The following PANK1 variants were observed in gnomAD, a reference collection of about 807,000 sequenced individuals.
PANK1 encodes the protein pantothenate kinase 1.
In PANK1, 18 loss-of-function variants were observed where a neutral mutation model predicts 40.1. The ratio of observed to expected loss-of-function variants is 0.45; its 90% CI spans 0.31 to 0.67. PANK1 has a LOEUF of 0.67. Ranked by LOEUF, PANK1 falls within the 30% of genes least tolerant of loss-of-function variation. The pLI is 0.06. For synonymous variants in PANK1, 242 were observed against 237.7 expected (o/e 1.02, Z -0.17); for missense variants, 457 against 599.6 (o/e 0.76, Z 2.48).
chr10:89,643,988 T>C, intron 1 of PANK1: 3 of 655,086 alleles, frequency 4.6e-6, no homozygotes, highest in South Asian at 6.3e-5. Flanking sequence ...TCCACATAGT[T>C]CCGGCCCACA....
chr10:89,635,929 G>A (rs1482049971), intron 1 of PANK1, among the ~76,000 whole-genome samples: 1 of 152,216 alleles, frequency 6.6e-6, no homozygotes, highest in Non-Finnish European at 1.5e-5. Context: ...AATCTTCCTT[G>A]ACTCCACATC....
At chr10:89,633,946 C>A (rs1841727100) in intron 1 of PANK1, among the ~76,000 whole-genome samples, 1 of 152,034 alleles carries the variant, frequency 6.6e-6, no homozygotes, top group African/African-American at 2.4e-5. Flanking sequence ...TAGAATCTGG[C>A]AGGCAAGAAT....
chr10:89,629,707 C>T (rs934681590), intron 1 of PANK1, among the ~76,000 whole-genome samples: 16 of 152,198 alleles, frequency 1.1e-4, no homozygotes, highest in East Asian at 1.9e-4. Flanking sequence ...ATGATAGCTG[C>T]AGCTTCACGA....
chr10:89,613,309 T>A (rs1043408488), intron 1 of PANK1, among the ~76,000 whole-genome samples: 10 of 152,174 alleles, frequency 6.6e-5, no homozygotes, highest in African/African-American at 2.2e-4. Flanking sequence ...TCCTTCCAAG[T>A]TTCTTTTATT....
At chr10:89,634,322 T>G (rs11330) in intron 1 of PANK1, among the ~76,000 whole-genome samples, 26,749 of 152,170 alleles carry the variant, frequency 0.18, 2,827 homozygotes, top group East Asian at 0.35. Flanking sequence ...TCCAAGTAAC[T>G]GGCTGCCCAG....
chr10:89,634,620 C>CA (rs1471771700), intron 1 of PANK1, among the ~76,000 whole-genome samples: 1 of 152,122 alleles, frequency 6.6e-6, no homozygotes, highest in Admixed American at 6.5e-5. Flanking sequence ...AAGTCTTGTT[C>CA]AATTCATGTG....
downstream of PANK1, chr10:89,582,563 T>C (rs899025729): frequency 6.6e-6 from 1 of 152,152 alleles, no homozygotes; most frequent in African/African-American, 2.4e-5. Flanking sequence ...TGTTACCTGA[T>C]AGATGAGAAT....
chr10:89,584,193 G>GA lies in PANK1; in HGVS notation c.*212dup, dbSNP rs1224666343. The stretch of plus-strand genomic sequence containing the variant: ...TTTTTTTAAAAAAATACAGTATACA[G>GA]AAAAAAAACCTTTTATATTCCCCCG... On this transcript the variant is annotated 3_prime_UTR_variant, in exon 7 of 7. Transcript: ENST00000307534. The GA allele has an allele frequency of 8.0e-5, 39 of 487,248 alleles. No homozygotes were observed. Among genetic ancestry groups the GA allele is most frequent in the South Asian group, 2.1e-4 (5 of 24,152 alleles). 30.2% of individuals were successfully genotyped at this position (487,248 alleles called of 1,614,324 possible).
intron 1 of PANK1, among the ~76,000 whole-genome samples, chr10:89,642,862 T>C (rs1343383332): frequency 6.6e-6 from 1 of 152,238 alleles, no homozygotes; most frequent in African/African-American, 2.4e-5. Context: ...TTTTAAAAAT[T>C]ATAAGTAACA....
chr10:89,639,225 G>A (rs1841904817), intron 1 of PANK1: 1 of 454,312 alleles, frequency 2.2e-6, no homozygotes, highest in Non-Finnish European at 4.4e-6. Context: ...TCCCATGGCA[G>A]AAAGGCAAAA....
chr10:89,608,284 GC>G (rs955320619), intron 2 of PANK1, among the ~76,000 whole-genome samples: 19 of 152,122 alleles, frequency 1.2e-4, no homozygotes, highest in Admixed American at 3.9e-4. Flanking sequence ...ACCCACCTCG[GC>G]CCCCCAAAGT....
intron 1 of PANK1, among the ~76,000 whole-genome samples, chr10:89,633,507 C>A (rs1024960322): frequency 6.7e-6 from 1 of 150,206 alleles, no homozygotes. Flanking sequence ...GTATGGAACA[C>A]CCTAAAAACA....
chr10:89,620,928 G>T (rs150798670), intron 1 of PANK1, among the ~76,000 whole-genome samples: 17 of 152,210 alleles, frequency 1.1e-4, no homozygotes, highest in African/African-American at 4.1e-4. Context: ...TGGTTTCCCC[G>T]ATACACTTCA....
rs569793538 is a variant in PANK1 at position 89,623,513 on chromosome 10, G to A, written c.293-11465C>T. ...TGCTGGATTACAGGCATGAGCCACC[G>A]TGCCTGGCCCAATTTTTTTTTTTTT... On this transcript the variant is annotated intron_variant, in intron 1 of 6. Coordinates refer to ENST00000307534, the MANE Select transcript of PANK1 (RefSeq NM_148977.3). Among the ~76,000 whole-genome samples, 373 of 149,732 alleles carry A rather than the reference G, an allele frequency of 2.5e-3. 4 individuals carry two copies. Among genetic ancestry groups the A allele is most frequent in the African/African-American group, 8.7e-3 (358 of 40,942 alleles).
chr10:89,645,184 G>T lies in PANK1; in HGVS notation c.-293C>A, dbSNP rs1278255904. 1.9e-6 allele frequency: 3 copies of T among 1,576,846 alleles called. No individual in the cohort carries two copies. The African/African-American group carries it at 4.2e-5, about 22-fold the overall frequency. On this transcript the variant is annotated 5_prime_UTR_variant, in exon 1 of 7. Coordinates refer to ENST00000307534, the MANE Select transcript of PANK1 (RefSeq NM_148977.3). ...CCCCCAGCCGGGGCTCCCGCCGCCC[G>T]CCTTCCCCTGATCCCCAGGCCGCGC... is the stretch of plus-strand genomic sequence containing the variant.
In PANK1 at chr10:89,645,208, G is replaced by A. The variant is rs759004497; in HGVS notation, c.-317C>T. On this transcript the variant is annotated 5_prime_UTR_variant, in exon 1 of 7. Transcript: ENST00000307534. ...CGCCTTCCCCTGATCCCCAGGCCGC[G>A]CGACTTCAAACGCGGCTTCCTCGCC... is the stretch of plus-strand genomic sequence containing the variant. The A allele has an allele frequency of 1.9e-6, 3 of 1,597,130 alleles. No homozygotes were observed. In the South Asian group the frequency reaches 3.3e-5, roughly 18 times the overall value.
rs992142345 is a variant in PANK1 at position 89,616,177 on chromosome 10, C to T, written c.293-4129G>A. On this transcript the variant is annotated intron_variant, in intron 1 of 6. Coordinates refer to ENST00000307534, the MANE Select transcript of PANK1 (RefSeq NM_148977.3). ...TTTTGCAAACAAATAAACTGACCCA[C>T]TCATTCAAAATGGTTTTCACTCTGG... is the stretch of plus-strand genomic sequence containing the variant. Among the ~76,000 whole-genome samples, 5 of 152,206 alleles carry T rather than the reference C, an allele frequency of 3.3e-5. No homozygotes were observed. In the East Asian group the frequency reaches 9.6e-4, roughly 29 times the overall value.
chr10:89,625,589 G>T (rs1281666544), intron 1 of PANK1: 1 of 152,208 alleles, frequency 6.6e-6, no homozygotes, highest in African/African-American at 2.4e-5. Flanking sequence ...CAGTACTCAT[G>T]TATTTAGGTC....
Position 89,645,066 on chromosome 10 carries a change from C to A in PANK1, c.-175G>T. ...CCTCCCCTCCTCCTGCCGACTCCCC[C>A]ACCTCCTCTGCGCCCTGCCCCCCGC... On this transcript the variant is annotated 5_prime_UTR_variant, in exon 1 of 7. Coordinates refer to ENST00000307534, the MANE Select transcript of PANK1 (RefSeq NM_148977.3). 4.5e-6 allele frequency: 7 copies of A among 1,555,946 alleles called. No individual in the cohort carries two copies. The highest frequency in any genetic ancestry group is 6.1e-6 in the Non-Finnish European group (7 of 1,156,554).
Sources: allele counts gnomAD v4.1 joint callset (sites outside exome capture counted in the v4.1 genomes callset), GRCh38; gene constraint gnomAD v4.1.1; transcripts MANE v1.5; gene names NCBI Gene and HGNC (gene_info 2026-07-23, HGNC 2026-07-21).